Variants in PKM observed in about 807,000 individuals in gnomAD.
PKM encodes the protein pyruvate kinase PKM.
Under a neutral mutation model 49.8 loss-of-function variants are expected in PKM, and 18 were observed. The observed-to-expected ratio is 0.36, with a 90% CI of 0.25 to 0.54. PKM has a LOEUF of 0.54. Ranked by LOEUF, PKM falls within the 20% of genes least tolerant of loss-of-function variation. The pLI is 0.89. For missense variants in PKM, 508 were observed against 713.8 expected (o/e 0.71, Z 3.28); for synonymous variants, 239 against 261.8 (o/e 0.91, Z 0.84).
In PKM at chr15:72,206,843, C is replaced by T. The variant is rs1012537263; in HGVS notation, c.1025G>A (p.Arg342Gln). ...ATTGGCCACATCACTGCCTTCAGCC[C>T]GAGTGGGGCGGGGCTTCTTGATCAT... ...ESMIKKPRPT[R>Q]AEGSDVANAV... Residue 342 changes from arginine (R) to glutamine (Q), a missense_variant, in exon 8 of 11, where the codon CGG (arginine) becomes CAG (glutamine). Arg to Gln is a conservative substitution (Grantham distance 43). Transcript: ENST00000335181. 2 of 1,614,142 alleles carry T rather than the reference C, an allele frequency of 1.2e-6. No homozygotes were observed. The highest frequency in any genetic ancestry group is 1.7e-6 in the Non-Finnish European group (2 of 1,180,022).
chr15:72,201,575 G>C (rs902264388), intron 9 of PKM: 4 of 152,352 alleles, frequency 2.6e-5, no homozygotes, highest in African/African-American at 7.2e-5. Context: ...CCAGCTGAGT[G>C]AAACCCCAGA....
intron 3 of PKM, among the ~76,000 whole-genome samples, chr15:72,216,045 G>A (rs1452873088): frequency 6.6e-6 from 1 of 152,176 alleles, no homozygotes; most frequent in Non-Finnish European, 1.5e-5. Context: ...TATGAACACA[G>A]GTTAGGGAAT....
At position 72,214,827 on chromosome 15, in the gene PKM, G is replaced by A. The variant is rs564731582; in HGVS notation, c.246+2582C>T. Among the ~76,000 whole-genome samples the A allele has an allele frequency of 6.6e-5, 10 of 150,502 alleles. No individual in the cohort carries two copies. In the East Asian group the frequency reaches 1.8e-3, roughly 26 times the overall value. ...ATAAATAAATAAATAAATAAATCTG[G>A]AAAACATGGCATATGGAACCACATG... On this transcript the variant is annotated intron_variant, in intron 3 of 10. Coordinates refer to ENST00000335181, the MANE Select transcript of PKM (RefSeq NM_002654.6).
Position 72,217,655 on chromosome 15 carries a change from T to C in PKM, c.155-155A>G, listed in dbSNP as rs8192394. On this transcript the variant is annotated intron_variant, in intron 2 of 10. Transcript: ENST00000335181. The stretch of plus-strand genomic sequence containing the variant: ...AAAAGTGCATGGAAGGCTACTACCG[T>C]GCCAGCTTACTTTCTTGATCTACTG... Among the ~76,000 whole-genome samples the C allele has an allele frequency of 3.4e-4, 52 of 152,350 alleles. 1 individual carries two copies. The highest frequency in any genetic ancestry group is 1.1e-3 in the African/African-American group (44 of 41,586).
At chr15:72,214,313 CAT>C (rs1450978183) in intron 3 of PKM, among the ~76,000 whole-genome samples, 2 of 152,050 alleles carry the variant, frequency 1.3e-5, no homozygotes, top group Non-Finnish European at 2.9e-5. Flanking sequence ...GATGTAAAAC[CAT>C]ATATTATAAA....
chr15:72,225,298 C>A (rs1209420913), intron 1 of PKM, among the ~76,000 whole-genome samples: 1 of 151,398 alleles, frequency 6.6e-6, no homozygotes, highest in Admixed American at 6.6e-5. Context: ...TTTTCTCCAT[C>A]CCCAAGCTCC....
chr15:72,206,824 C>T lies in PKM; in HGVS notation c.1044G>A (p.Val348=). 6.2e-7 allele frequency: 1 copy of T among 1,614,178 alleles called. No individual in the cohort carries two copies. The part of the protein sequence containing the change: ...PRPTRAEGSD[V]ANAVLDGADC... ...CGGCTCCATCCAGGACTGCATTGGC[C>T]ACATCACTGCCTTCAGCCCGAGTGG... Residue 348 remains valine, a synonymous_variant, in exon 8 of 11, where the codon GTG becomes GTA. Coordinates refer to ENST00000335181, the MANE Select transcript of PKM (RefSeq NM_002654.6).
At chr15:72,229,796 G>T in intron 1 of PKM, 1 of 768,054 alleles carries the variant, frequency 1.3e-6, no homozygotes, top group Non-Finnish European at 1.6e-6. Flanking sequence ...CACACCGTTT[G>T]CGTTCAGTGA....
chr15:72,207,303 A>C (rs757773143), intron 6 of PKM, 26 bp from the exon 7 acceptor site: 1 of 1,611,684 alleles, frequency 6.2e-7, no homozygotes, highest in East Asian at 2.2e-5. Context: ...GGGGGGAGAG[A>C]GGTTATATAG....
chr15:72,228,892 T>C (rs762999895), intron 1 of PKM, among the ~76,000 whole-genome samples: 1 of 152,218 alleles, frequency 6.6e-6, no homozygotes, highest in African/African-American at 2.4e-5. Context: ...AGGGCTGGAA[T>C]GTTCCTCTGG....
Position 72,224,928 on chromosome 15 carries a change from T to A in PKM, c.-13-5818A>T, listed in dbSNP as rs1292417999. 2.8e-5 allele frequency among the ~76,000 whole-genome samples: 4 copies of A among 143,736 alleles called. No homozygotes were observed. The South Asian group carries it at 8.9e-4, about 32-fold the overall frequency. The allele number at this position is 143,736 out of a possible 152,430, so 94.3% of individuals were successfully genotyped here. A position where few individuals can be genotyped will look rare whatever the true frequency, so the allele number is the denominator to read the frequency against. ...TTTCTTTAATTTCTTTTTTCTTTTT[T>A]TTTTTTTTTTTGAGATGGAGTCTCG... On this transcript the variant is annotated intron_variant, in intron 1 of 10. Coordinates refer to ENST00000335181, the MANE Select transcript of PKM (RefSeq NM_002654.6).
rs2081971567 is a variant in PKM, at chr15:72,202,588, G to C, written c.1173C>G (p.His391Gln). Residue 391 changes from histidine (H) to glutamine (Q), a missense_variant, in exon 9 of 11, where the codon CAC becomes CAG. Physicochemically the swap from His to Gln is conservative, Grantham distance 24. Coordinates refer to ENST00000335181, the MANE Select transcript of PKM (RefSeq NM_002654.6). This position sits in a 1 kb window ranked among gnomAD's most constrained non-coding sequence, Gnocchi z 4.5. ...IAREAEAAIYHLQLFEELRRL... is the reference protein window; with the variant it reads ...IAREAEAAIYQLQLFEELRRL... ...GGCGGAGTTCCTCAAATAATTGCAAGTGGTAGATGGCAGCCTCTGCCTCAC... is the reference window on the plus strand; with the variant it reads ...GGCGGAGTTCCTCAAATAATTGCAACTGGTAGATGGCAGCCTCTGCCTCAC... The C allele has an allele frequency of 6.2e-7, 1 of 1,613,582 alleles. No individual in the cohort carries two copies. The highest frequency in any genetic ancestry group is 1.7e-5 in the Admixed American group (1 of 59,986).
chr15:72,226,532 AAAAATAAAATAAAAT>A (rs1000885943), intron 1 of PKM, among the ~76,000 whole-genome samples: 2 of 152,212 alleles, frequency 1.3e-5, no homozygotes, highest in Non-Finnish European at 2.9e-5. Flanking sequence ...TCCGTCTCAA[AAAAATAAAATAAAAT>A]AAAATAAAAT....
At chr15:72,221,281 A>G in intron 1 of PKM, 1 of 1,527,742 alleles carries the variant, frequency 6.5e-7, no homozygotes, top group East Asian at 2.4e-5. Context: ...TGTGCCCTGG[A>G]GAGCTGCACA....
At chr15:72,218,041 G>A (rs1434324339) in intron 2 of PKM, among the ~76,000 whole-genome samples, 1 of 152,178 alleles carries the variant, frequency 6.6e-6, no homozygotes, top group Admixed American at 6.5e-5. Flanking sequence ...AATCAGGTTA[G>A]TTAACATATC....
chr15:72,213,787 T>C (rs1434238266), intron 3 of PKM, among the ~76,000 whole-genome samples: 1 of 152,234 alleles, frequency 6.6e-6, no homozygotes, highest in African/African-American at 2.4e-5. Context: ...ATCTTTTGGA[T>C]ATTTATCTTT....
intron 4 of PKM, 175 bp downstream of exon 4, chr15:72,210,171 AG>A (rs2082213878): frequency 1.3e-6 from 1 of 796,526 alleles, no homozygotes; most frequent in Non-Finnish European, 2.0e-6. Flanking sequence ...TTCCTAGCAA[AG>A]TAGATCAAAT....
Position 72,218,948 on chromosome 15 carries a change from G to A in PKM, c.150C>T (p.Thr50=). ...ITARNTGIIC[T]IGPASRSVET... is the part of the protein sequence containing the mutation. Reference sequence around the variant, plus strand: ...GGAAGGGGCACACCCACTCACCAATGGTACAGATGATGCCAGTGTTCCGGG... The same window carrying A: ...GGAAGGGGCACACCCACTCACCAATAGTACAGATGATGCCAGTGTTCCGGG... The change falls in exon 2 of 11, where the codon ACC becomes ACT. Residue 50 remains threonine, a synonymous_variant. Coordinates refer to ENST00000335181, the MANE Select transcript of PKM (RefSeq NM_002654.6). 1.2e-6 allele frequency: 2 copies of A among 1,614,130 alleles called. No homozygotes were observed. Among genetic ancestry groups the A allele is most frequent in the Non-Finnish European group, 1.7e-6 (2 of 1,180,010 alleles).
rs749903295 is a variant in PKM at position 72,217,442 on chromosome 15, C to T, written c.213G>A (p.Val71=). Residue 71 remains valine, a synonymous_variant, in exon 3 of 11, where the codon GTG becomes GTA. Coordinates refer to ENST00000335181, the MANE Select transcript of PKM (RefSeq NM_002654.6). Reference sequence around the variant, plus strand: ...TTCCATGAGAGAAGTTCAGACGAGCCACATTCATTCCAGACTTAATCATCT... The same window carrying T: ...TTCCATGAGAGAAGTTCAGACGAGCTACATTCATTCCAGACTTAATCATCT... ...LKEMIKSGMN[V]ARLNFSHGTH... 11 of 1,612,706 alleles carry T rather than the reference C, an allele frequency of 6.8e-6. No homozygotes were observed. In the East Asian group the frequency reaches 2.5e-4, roughly 36 times the overall value.
Sources: gnomAD v4.1 joint callset for allele counts (sites outside exome capture counted in the v4.1 genomes callset) on GRCh38, gnomAD v4.1.1 for gene constraint, Gnocchi (gnomAD v3.1) non-coding constraint, MANE v1.5 for transcripts, NCBI Gene and HGNC (gene_info 2026-07-23, HGNC 2026-07-21) for gene names.